TRPC1: variants seen among roughly 807,000 people sequenced by gnomAD.
TRPC1 encodes short transient receptor potential channel 1.
Under a neutral mutation model 88.2 loss-of-function variants are expected in TRPC1, and 42 were observed. The observed-to-expected ratio is 0.48, with a 90% CI of 0.37 to 0.62. The LOEUF (loss-of-function observed/expected upper bound fraction) is 0.62, where lower values mean the gene tolerates loss of function less well. TRPC1 is among the 20% of genes least tolerant of loss of function. The probability of loss-of-function intolerance (pLI) is 0.00; values close to 1 mark genes in which losing one functional copy is unlikely to be tolerated. For synonymous variants in TRPC1, 288 were observed against 331.8 expected (o/e 0.87, Z 1.43); for missense variants, 699 against 957.3 (o/e 0.73, Z 3.56).
At chr3:142,751,349 A>G (rs548103168) in intron 4 of TRPC1, among the ~76,000 whole-genome samples, 17 of 152,290 alleles carry the variant, frequency 1.1e-4, no homozygotes, top group African/African-American at 4.1e-4. Flanking sequence ...ATGTTTAGAT[A>G]TGCAAATATT....
chr3:142,803,774 C>A (rs993372965), intron 10 of TRPC1, among the ~76,000 whole-genome samples: 3 of 152,152 alleles, frequency 2.0e-5, no homozygotes, highest in Non-Finnish European at 4.4e-5. Flanking sequence ...TAAACAGTTA[C>A]AAATAATTTA....
intron 4 of TRPC1, among the ~76,000 whole-genome samples, chr3:142,752,936 C>A (rs1934827842): frequency 6.6e-6 from 1 of 152,148 alleles, no homozygotes; most frequent in African/African-American, 2.4e-5. Context: ...GTCAGAGTGG[C>A]TGGGGCAAAG....
At chr3:142,755,778 A>G (rs756559452) in intron 4 of TRPC1, among the ~76,000 whole-genome samples, 3 of 152,190 alleles carry the variant, frequency 2.0e-5, no homozygotes, top group Admixed American at 6.5e-5. Flanking sequence ...TAGGGCCTCA[A>G]AAAAGGCTTT....
chr3:142,791,137 C>T lies in TRPC1; in HGVS notation c.1416C>T (p.Leu472=). The change falls in exon 8 of 13, where the codon CTC becomes CTT. Residue 472 remains leucine, a synonymous_variant. Transcript: ENST00000476941. ...CTCTTTATTTGGCAACCTTTGCCCT[C>T]AAAGTGGTTGCTCACAACAAGGTGA... ...MNSLYLATFA[L]KVVAHNKFHD... 1.2e-6 allele frequency: 2 copies of T among 1,604,562 alleles called. No individual in the cohort carries two copies. The highest frequency in any genetic ancestry group is 2.7e-5 in the African/African-American group (2 of 74,418).
intron 3 of TRPC1, 147 bp from the exon 4 acceptor site, chr3:142,748,111 A>G (rs1934624918): frequency 9.4e-6 from 7 of 745,400 alleles, no homozygotes; most frequent in Non-Finnish European, 1.5e-5. Context: ...TCAAAGAAAA[A>G]TTTAGTCCAA....
At chr3:142,785,648 G>A (rs1363058020) in intron 7 of TRPC1, among the ~76,000 whole-genome samples, 1 of 152,052 alleles carries the variant, frequency 6.6e-6, no homozygotes, top group African/African-American at 2.4e-5. Context: ...TTACAGGTGC[G>A]TGCCACCACA....
At chr3:142,805,129 TACACACACACACAC>T (rs71153991) in intron 12 of TRPC1, among the ~76,000 whole-genome samples, 19 of 95,276 alleles carry the variant, frequency 2.0e-4, no homozygotes, top group Non-Finnish European at 3.1e-4. Flanking sequence ...AATATATATA[TACACACACACACAC>T]ACACACACAC....
chr3:142,781,930 C>A (rs979491392), intron 6 of TRPC1, among the ~76,000 whole-genome samples: 1 of 151,938 alleles, frequency 6.6e-6, no homozygotes, highest in African/African-American at 2.4e-5. Context: ...GTGCTAAGGG[C>A]AGAATTTTTT....
intron 7 of TRPC1, among the ~76,000 whole-genome samples, chr3:142,788,970 T>A (rs1936215392): frequency 6.6e-6 from 1 of 152,190 alleles, no homozygotes; most frequent in Non-Finnish European, 1.5e-5. Context: ...ATCAACAGTT[T>A]TCTCCAATTC....
intron 4 of TRPC1, among the ~76,000 whole-genome samples, chr3:142,773,109 G>C (rs1935631788): frequency 6.6e-6 from 1 of 152,186 alleles, no homozygotes; most frequent in African/African-American, 2.4e-5. Flanking sequence ...CTGGTAGACA[G>C]AACTTCAGCA....
At chr3:142,761,381 C>A (rs190064494) in intron 4 of TRPC1, among the ~76,000 whole-genome samples, 4 of 152,194 alleles carry the variant, frequency 2.6e-5, no homozygotes, top group South Asian at 4.2e-4. Flanking sequence ...TCTATTGATA[C>A]ATATATGTTG....
At chr3:142,754,016 T>C (rs1463310087) in intron 4 of TRPC1, among the ~76,000 whole-genome samples, 1 of 146,788 alleles carries the variant, frequency 6.8e-6, no homozygotes, top group African/African-American at 2.6e-5. Flanking sequence ...GCCCAGGAGG[T>C]TGAGGCTACA....
chr3:142,758,121 C>G (rs1452654992), intron 4 of TRPC1, among the ~76,000 whole-genome samples: 1 of 152,096 alleles, frequency 6.6e-6, no homozygotes, highest in East Asian at 1.9e-4. Flanking sequence ...CCCCCACCAC[C>G]CTCATATGGT....
intron 1 of TRPC1, among the ~76,000 whole-genome samples, chr3:142,732,525 A>G (rs1300416741): frequency 6.6e-6 from 1 of 152,118 alleles, no homozygotes; most frequent in Non-Finnish European, 1.5e-5. Flanking sequence ...CAGCTGTGTT[A>G]GTTAAGAGGC....
At chr3:142,732,566 G>A (rs2108013431) in intron 1 of TRPC1, among the ~76,000 whole-genome samples, 1 of 152,208 alleles carries the variant, frequency 6.6e-6, no homozygotes, top group East Asian at 1.9e-4. Flanking sequence ...AGATCATGGG[G>A]GTTTGGACTG....
At chr3:142,734,268 TTAAAA>T (rs370109541) in intron 1 of TRPC1, among the ~76,000 whole-genome samples, 12 of 152,122 alleles carry the variant, frequency 7.9e-5, no homozygotes, top group African/African-American at 2.9e-4. Context: ...GATGAGAAAG[TTAAAA>T]TAAGGAAATG....
Position 142,736,437 on chromosome 3 carries a change from A to G in TRPC1, c.231A>G (p.Ile77Met). 1 of 1,612,568 alleles carries G rather than the reference A, an allele frequency of 6.2e-7. No homozygotes were observed. Among genetic ancestry groups the G allele is most frequent in the Non-Finnish European group, 8.5e-7 (1 of 1,179,452 alleles). ...LEENSSGDLNINCVDVLGRNA... is the reference protein window; with the variant it reads ...LEENSSGDLNMNCVDVLGRNA... ...AAAACAGTTCAGGTGACTTGAACAT[A>G]AATTGCGTAGATGTGCTTGGGAGAA... Residue 77 changes from isoleucine to methionine, a missense_variant, in exon 2 of 13, where the codon ATA (isoleucine) becomes ATG (methionine). Transcript: ENST00000476941.
chr3:142,792,719 G>A lies in TRPC1; in HGVS notation c.1438-105G>A. The A allele has an allele frequency of 1.7e-6, 2 of 1,183,592 alleles. No individual in the cohort carries two copies. The highest frequency in any genetic ancestry group is 2.3e-6 in the Non-Finnish European group (2 of 883,814). 73.3% of individuals were successfully genotyped at this position (1,183,592 alleles called of 1,614,324 possible). ...AAACATAAGTGGAGATCCCCTATAA[G>A]AAGACAAAATTAAAATGGCTTTCTT... On this transcript the variant is annotated intron_variant, in intron 8 of 12. Coordinates refer to ENST00000476941, the MANE Select transcript of TRPC1 (RefSeq NM_001251845.2). This position sits in a 1 kb window ranked among gnomAD's most constrained non-coding sequence, Gnocchi z 4.0.
Position 142,742,233 on chromosome 3 carries a change from T to A in TRPC1, c.328-1252T>A, listed in dbSNP as rs115751422. The stretch of plus-strand genomic sequence containing the variant: ...ATGGATATAGCATTCTTTTTGTTCA[T>A]TTCCTTCAACTGATTAAATATGCTA... On this transcript the variant is annotated intron_variant, in intron 2 of 12. Coordinates refer to ENST00000476941, the MANE Select transcript of TRPC1 (RefSeq NM_001251845.2). Among the ~76,000 whole-genome samples, 1,166 of 152,272 alleles carry A rather than the reference T, an allele frequency of 7.7e-3. 11 individuals carry two copies. The highest frequency in any genetic ancestry group is 0.027 in the African/African-American group (1,116 of 41,556).
Sources: gnomAD v4.1 joint callset for allele counts (sites outside exome capture counted in the v4.1 genomes callset) on GRCh38, gnomAD v4.1.1 for gene constraint, Gnocchi (gnomAD v3.1) non-coding constraint, MANE v1.5 for transcripts, NCBI Gene and HGNC (gene_info 2026-07-23, HGNC 2026-07-21) for gene names.